Variants in TNS3 observed in about 807,000 individuals in gnomAD.
TNS3 encodes the protein tensin-3.
TNS3 carries 45 observed loss-of-function variants against 140.9 expected under a neutral mutation model. The ratio of observed to expected loss-of-function variants is 0.32; its 90% CI spans 0.25 to 0.41. TNS3 has a LOEUF of 0.41. Among genes scored for constraint, TNS3 ranks in the 10% least tolerant of loss-of-function variants. The pLI, the probability that TNS3 is intolerant of heterozygous loss-of-function variation, is 1.00. For synonymous variants in TNS3, 815 were observed against 788.4 expected, an observed-to-expected ratio of 1.03 and a Z score of -0.56; for missense variants, 1,716 against 1,906.7, an observed-to-expected ratio of 0.90 and a Z score of 1.86.
At chr7:47,503,547 T>A (rs919669164) in intron 3 of TNS3, among the ~76,000 whole-genome samples, 2 of 152,092 alleles carry the variant, frequency 1.3e-5, no homozygotes, top group Non-Finnish European at 2.9e-5. Flanking sequence ...ACAGTTGAAA[T>A]CCCAAACTTT....
At chr7:47,341,203 C>G (rs997711274) in intron 20 of TNS3, among the ~76,000 whole-genome samples, 1 of 152,072 alleles carries the variant, frequency 6.6e-6, no homozygotes, top group East Asian at 1.9e-4. Flanking sequence ...CTGTAGTTTT[C>G]TTTTTCTGTT....
At chr7:47,556,255 A>G (rs1022162809) in intron 1 of TNS3, among the ~76,000 whole-genome samples, 1 of 152,238 alleles carries the variant, frequency 6.6e-6, no homozygotes, top group Non-Finnish European at 1.5e-5. Context: ...TCCTGGAGAC[A>G]CTTTAAAATC....
chr7:47,393,358 G>A (rs1792640041), intron 16 of TNS3, among the ~76,000 whole-genome samples: 1 of 152,198 alleles, frequency 6.6e-6, no homozygotes, highest in African/African-American at 2.4e-5. Flanking sequence ...TGGGGATGGA[G>A]GGTCAGGAGG....
intron 16 of TNS3, among the ~76,000 whole-genome samples, chr7:47,371,278 G>A (rs2151164662): frequency 6.6e-6 from 1 of 152,366 alleles, no homozygotes; most frequent in South Asian, 2.1e-4. Context: ...TGTTTTCTGA[G>A]TACCTTTTAT....
chr7:47,571,268 A>G (rs1800548617), intron 1 of TNS3, among the ~76,000 whole-genome samples: 1 of 152,246 alleles, frequency 6.6e-6, no homozygotes, highest in African/African-American at 2.4e-5. Context: ...GGTCCGTGCT[A>G]TCAACACAGT....
chr7:47,530,594 CG>C (rs1347278453), intron 1 of TNS3, among the ~76,000 whole-genome samples: 3 of 151,392 alleles, frequency 2.0e-5, no homozygotes, highest in Non-Finnish European at 4.4e-5. Flanking sequence ...GAGGCAGAGG[CG>C]GGTGGATCAC....
At chr7:47,441,925 G>T in intron 5 of TNS3, 78 bp downstream of exon 5, 2 of 1,037,346 alleles carry the variant, frequency 1.9e-6, no homozygotes, top group Non-Finnish European at 2.6e-6. Context: ...AGAAAATGAT[G>T]CCATGCCCAA....
chr7:47,540,797 A>T (rs990611303), intron 1 of TNS3, among the ~76,000 whole-genome samples: 4 of 152,220 alleles, frequency 2.6e-5, no homozygotes, highest in African/African-American at 9.6e-5. Flanking sequence ...TGGGTGGCTA[A>T]TGCACAGCTG....
At chr7:47,430,529 C>T (rs1007769918) in intron 8 of TNS3, among the ~76,000 whole-genome samples, 1 of 152,134 alleles carries the variant, frequency 6.6e-6, no homozygotes, top group Admixed American at 6.5e-5. Context: ...ATCACCTAGA[C>T]AGAAAACCAG....
intron 16 of TNS3, among the ~76,000 whole-genome samples, chr7:47,376,281 A>G (rs1247281364): frequency 1.3e-5 from 2 of 152,242 alleles, no homozygotes; most frequent in Non-Finnish European, 2.9e-5. Context: ...GGCAAGGGAA[A>G]GACGGAGCAG....
intron 10 of TNS3, among the ~76,000 whole-genome samples, chr7:47,422,050 C>A (rs762469623): frequency 2.6e-5 from 4 of 152,236 alleles, no homozygotes; most frequent in Non-Finnish European, 5.9e-5. Flanking sequence ...GCTGTCCTCA[C>A]ACGTTCTTCT....
At chr7:47,470,546 TTCAGCCAAAG>T in intron 4 of TNS3, 2 of 985,392 alleles carry the variant, frequency 2.0e-6, no homozygotes, top group Non-Finnish European at 2.4e-6. Context: ...ACGACAATAC[TTCAGCCAAAG>T]GTGCCTTTGG....
At chr7:47,551,548 G>C (rs1200537381) in intron 1 of TNS3, among the ~76,000 whole-genome samples, 2 of 152,226 alleles carry the variant, frequency 1.3e-5, no homozygotes, top group African/African-American at 4.8e-5. Context: ...TACAGGCAAG[G>C]AGACCCCCAG....
chr7:47,530,838 A>AAAAAAAAATATATATATAT, intron 1 of TNS3, among the ~76,000 whole-genome samples: 2 of 54,562 alleles, frequency 3.7e-5, no homozygotes, highest in African/African-American at 1.6e-4. Flanking sequence ...AAAAAAAAAA[A>AAAAAAAAATATATATATAT]ATATATATAT....
chr7:47,344,736 CCG>C lies in TNS3; in HGVS notation c.2650+17_2650+18del. ...CGCCTGAGTGCCGCGCGCCTGTGAC[CCG>C]CGGGTAGATTTCTTACCACGTCCTC... is the stretch of plus-strand genomic sequence containing the variant. On this transcript the variant is annotated intron_variant, in intron 20 of 30. Coordinates refer to ENST00000311160, the MANE Select transcript of TNS3 (RefSeq NM_022748.12). 2.1e-5 allele frequency: 33 copies of C among 1,607,496 alleles called. No homozygotes were observed. The highest frequency in any genetic ancestry group is 2.2e-4 in the Middle Eastern group (1 of 4,562).
At chr7:47,358,638 C>T (rs987665175) in intron 17 of TNS3, among the ~76,000 whole-genome samples, 3 of 152,196 alleles carry the variant, frequency 2.0e-5, no homozygotes, top group Non-Finnish European at 2.9e-5. Context: ...TCGGGAGTGT[C>T]GGCAGCCTTG....
At chr7:47,516,152 T>C (rs1191835782) in intron 2 of TNS3, among the ~76,000 whole-genome samples, 1 of 152,250 alleles carries the variant, frequency 6.6e-6, no homozygotes, top group Non-Finnish European at 1.5e-5. Context: ...GAATTATTAG[T>C]AGAGAACACT....
chr7:47,452,854 G>C, intron 4 of TNS3: 1 of 913,920 alleles, frequency 1.1e-6, no homozygotes, highest in Non-Finnish European at 1.3e-6. Flanking sequence ...GGAGGCCACA[G>C]AGGAGGGTGG....
intron 17 of TNS3, among the ~76,000 whole-genome samples, chr7:47,357,405 C>G (rs1405059684): frequency 6.6e-6 from 1 of 152,256 alleles, no homozygotes; most frequent in Non-Finnish European, 1.5e-5. Flanking sequence ...CTAATCTTTT[C>G]GAGACAGTGT....
Sources: gnomAD v4.1 joint callset for allele counts (sites outside exome capture counted in the v4.1 genomes callset) on GRCh38, gnomAD v4.1.1 for gene constraint, MANE v1.5 for transcripts, NCBI Gene and HGNC (gene_info 2026-07-23, HGNC 2026-07-21) for gene names.